The following ADAMTSL1 variants were observed in gnomAD, a reference collection of about 807,000 sequenced individuals.
ADAMTSL1 encodes ADAMTS like 1.
A neutral mutation model predicts 201.8 loss-of-function variants in ADAMTSL1; 126 were observed. The ratio of observed to expected loss-of-function variants is 0.62; its 90% CI spans 0.54 to 0.72. The LOEUF (loss-of-function observed/expected upper bound fraction) is 0.72. ADAMTSL1 is among the 30% of genes least tolerant of loss of function. ADAMTSL1 has a pLI of 0.00. For missense variants in ADAMTSL1, 2,679 were observed against 2,277.8 expected, an observed-to-expected ratio of 1.18 and a Z score of -3.59; for synonymous variants, 1,121 against 903.4, an observed-to-expected ratio of 1.24 and a Z score of -4.32.
chr9:18,641,497 A>G (rs375977696), intron 7 of ADAMTSL1, among the ~76,000 whole-genome samples: 16 of 152,162 alleles, frequency 1.1e-4, no homozygotes, highest in Admixed American at 9.2e-4. Context: ...CAGCACTGAA[A>G]ATCACATCTC....
In ADAMTSL1 at chr9:18,795,529, C is replaced by T. The variant is rs1822369215; in HGVS notation, c.3805+5C>T. 1 of 1,605,156 alleles carries T rather than the reference C, an allele frequency of 6.2e-7. No homozygotes were observed. Among genetic ancestry groups the T allele is most frequent in the Non-Finnish European group, 8.5e-7 (1 of 1,175,492 alleles). Reference sequence around the variant, plus strand: ...CCATTGCCGTCACATTAGCAGGTAACCCAAAAATCCCTGTTCTGTTCATTT... The same window carrying T: ...CCATTGCCGTCACATTAGCAGGTAATCCAAAAATCCCTGTTCTGTTCATTT... On this transcript the variant is annotated splice_donor_5th_base_variant and intron_variant, in intron 20 of 28. Coordinates refer to ENST00000380548, the MANE Select transcript of ADAMTSL1 (RefSeq NM_001040272.6).
intron 22 of ADAMTSL1, among the ~76,000 whole-genome samples, chr9:18,829,064 G>A (rs1824807707): frequency 6.6e-6 from 1 of 152,090 alleles, no homozygotes; most frequent in Non-Finnish European, 1.5e-5. Context: ...GGGATCTGCT[G>A]CTTTTCCAAG....
At chr9:18,898,260 C>G (rs11543886) in intron 26 of ADAMTSL1, among the ~76,000 whole-genome samples, 1 of 152,076 alleles carries the variant, frequency 6.6e-6, no homozygotes, top group East Asian at 1.9e-4. Flanking sequence ...GCAAAGAAGC[C>G]GAGAATCACA....
chr9:18,583,507 G>A (rs571983818), intron 4 of ADAMTSL1, among the ~76,000 whole-genome samples: 2 of 152,326 alleles, frequency 1.3e-5, no homozygotes, highest in Admixed American at 6.5e-5. Flanking sequence ...GTGCAGAAGG[G>A]AAATGTGAGG....
At chr9:18,842,196 G>C (rs1005930732) in intron 23 of ADAMTSL1, among the ~76,000 whole-genome samples, 134 of 151,960 alleles carry the variant, frequency 8.8e-4, no homozygotes, top group African/African-American at 2.9e-3. Context: ...TTTCCCTCTA[G>C]TCACTGCTTT....
In ADAMTSL1 at chr9:18,446,018, C is replaced by T. The variant is rs59835403; in HGVS notation, c.208-58811C>T. On this transcript the variant is annotated intron_variant, in intron 2 of 29. Transcript: ENST00000680146. Reference sequence around the variant, plus strand: ...ATGAAGATTAGTAACCTGCTTAAGACAATATAACCAGGAAGCGATGGACCC... The same window carrying T: ...ATGAAGATTAGTAACCTGCTTAAGATAATATAACCAGGAAGCGATGGACCC... 8.7e-3 allele frequency among the ~76,000 whole-genome samples: 1,321 copies of T among 152,176 alleles called. 25 individuals carry two copies. Among genetic ancestry groups the T allele is most frequent in the African/African-American group, 0.03 (1,244 of 41,516 alleles).
intron 2 of ADAMTSL1, among the ~76,000 whole-genome samples, chr9:18,434,077 G>A (rs1016247435): frequency 5.9e-5 from 9 of 152,316 alleles, no homozygotes; most frequent in South Asian, 4.1e-4. Context: ...AGAATAGCTC[G>A]TAGATCATAG....
At chr9:18,794,403 TCAAAAAAAAAAAA>T (rs138988305) in intron 19 of ADAMTSL1, among the ~76,000 whole-genome samples, 37,390 of 125,590 alleles carry the variant, frequency 0.3, 4,729 homozygotes, top group Admixed American at 0.36. Context: ...AGACCCTGTC[TCAAAAAAAAAAAA>T]CAAAAACAAA....
At chr9:18,456,554 C>G (rs1262929276) in intron 2 of ADAMTSL1, among the ~76,000 whole-genome samples, 1 of 152,226 alleles carries the variant, frequency 6.6e-6, no homozygotes, top group Non-Finnish European at 1.5e-5. Context: ...AGGCCCTTCC[C>G]TTAGTACCTA....
intron 20 of ADAMTSL1, among the ~76,000 whole-genome samples, chr9:18,815,601 A>T (rs970236571): frequency 9.3e-5 from 14 of 151,166 alleles, no homozygotes; most frequent in African/African-American, 3.4e-4. Flanking sequence ...TCAGCTACCC[A>T]GGAGGCTTAG....
At chr9:18,000,672 G>C (rs1819574290) in intron 1 of ADAMTSL1, among the ~76,000 whole-genome samples, 1 of 152,040 alleles carries the variant, frequency 6.6e-6, no homozygotes, top group East Asian at 1.9e-4. Context: ...ATGTAGCACT[G>C]GTTGTTGGCA....
chr9:18,446,755 T>C (rs1820207694), intron 2 of ADAMTSL1, among the ~76,000 whole-genome samples: 2 of 152,236 alleles, frequency 1.3e-5, no homozygotes, highest in South Asian at 2.1e-4. Context: ...ACCTATGTCA[T>C]CTAAAAAATA....
chr9:18,776,001 TG>T, intron 18 of ADAMTSL1, 105 bp downstream of exon 18: 1 of 1,426,252 alleles, frequency 7.0e-7, no homozygotes, highest in Non-Finnish European at 9.5e-7. Context: ...TGGGAAATAG[TG>T]GGACAGTAGA....
At chr9:17,975,023 A>G (rs1320128176) in intron 1 of ADAMTSL1, among the ~76,000 whole-genome samples, 2 of 151,996 alleles carry the variant, frequency 1.3e-5, no homozygotes, top group African/African-American at 4.8e-5. Flanking sequence ...ATCCTCCCCA[A>G]AAGTTAACCT....
intron 2 of ADAMTSL1, among the ~76,000 whole-genome samples, chr9:18,382,356 A>G (rs1419331159): frequency 1.3e-5 from 2 of 152,204 alleles, no homozygotes; most frequent in African/African-American, 2.4e-5. Flanking sequence ...GTCTTATCAC[A>G]TGTGACCTTC....
At chr9:18,666,537 A>C (rs117066905) in intron 9 of ADAMTSL1, among the ~76,000 whole-genome samples, 1 of 152,230 alleles carries the variant, frequency 6.6e-6, no homozygotes, top group Non-Finnish European at 1.5e-5. Context: ...ATTTAACACT[A>C]TGTTCTGTAT....
chr9:18,705,935 C>A (rs1300621496), intron 13 of ADAMTSL1, among the ~76,000 whole-genome samples: 1 of 152,140 alleles, frequency 6.6e-6, no homozygotes, highest in African/African-American at 2.4e-5. Context: ...TGAGGTCCAG[C>A]CTGGGTGGGA....
chr9:18,895,101 G>A (rs1479424495), intron 26 of ADAMTSL1, among the ~76,000 whole-genome samples: 1 of 152,198 alleles, frequency 6.6e-6, no homozygotes, highest in African/African-American at 2.4e-5. Context: ...GGCAGTTTCA[G>A]TGTAAAAGTA....
At chr9:18,127,480 C>T (rs1189402709) in intron 1 of ADAMTSL1, among the ~76,000 whole-genome samples, 1 of 77,700 alleles carries the variant, frequency 1.3e-5, no homozygotes, top group Non-Finnish European at 2.6e-5. Context: ...GGCACATACA[C>T]AACACACACA....
Sources: gnomAD v4.1 joint callset for allele counts (sites outside exome capture counted in the v4.1 genomes callset) on GRCh38, gnomAD v4.1.1 for gene constraint, MANE v1.5 for transcripts, NCBI Gene and HGNC (gene_info 2026-07-23, HGNC 2026-07-21) for gene names.